The following GPC6 variants were observed in gnomAD, a reference collection of about 807,000 sequenced individuals.
GPC6 encodes glypican 6.
Under a neutral mutation model 55.2 loss-of-function variants are expected in GPC6, and 14 were observed. The ratio of observed to expected loss-of-function variants is 0.25; its 90% confidence interval spans 0.17 to 0.40. The LOEUF (loss-of-function observed/expected upper bound fraction) is 0.40, where lower values mean the gene tolerates loss of function less well. Ranked by LOEUF, GPC6 falls within the 10% of genes least tolerant of loss-of-function variation. GPC6 has a pLI of 1.00. For synonymous variants in GPC6, 278 were observed against 259.6 expected (o/e 1.07, Z -0.68); for missense variants, 641 against 708.5 (o/e 0.90, Z 1.08).
intron 3 of GPC6, among the ~76,000 whole-genome samples, chr13:94,025,851 A>T (rs1454310749): frequency 1.3e-5 from 2 of 152,148 alleles, no homozygotes; most frequent in Non-Finnish European, 2.9e-5. Flanking sequence ...ATTGTTGATC[A>T]TGTTGATTCT....
At chr13:94,041,801 C>T (rs186637167) in intron 4 of GPC6, among the ~76,000 whole-genome samples, 12 of 151,920 alleles carry the variant, frequency 7.9e-5, no homozygotes, top group Admixed American at 7.2e-4. Context: ...TCTTTATTCT[C>T]GATCTTCCTA....
At chr13:93,572,438 A>G (rs1002119108) in intron 2 of GPC6, among the ~76,000 whole-genome samples, 1 of 152,082 alleles carries the variant, frequency 6.6e-6, no homozygotes. Context: ...CATCCACATC[A>G]CAGGTAGCTT....
intron 1 of GPC6, among the ~76,000 whole-genome samples, chr13:93,454,781 C>A (rs1566366190): frequency 6.6e-6 from 1 of 152,254 alleles, no homozygotes; most frequent in Non-Finnish European, 1.5e-5. Context: ...CCGCGCCCTG[C>A]GCCTGCACTC....
chr13:94,133,324 A>G (rs1887070935), intron 4 of GPC6, among the ~76,000 whole-genome samples: 1 of 151,856 alleles, frequency 6.6e-6, no homozygotes, highest in African/African-American at 2.4e-5. Flanking sequence ...ATGGCTCTAA[A>G]TAAAATAAAA....
At chr13:94,275,308 A>T (rs1393191308) in intron 4 of GPC6, among the ~76,000 whole-genome samples, 2 of 152,184 alleles carry the variant, frequency 1.3e-5, no homozygotes, top group Non-Finnish European at 2.9e-5. Flanking sequence ...AAGAGTGACT[A>T]GGAGTTGTAG....
At chr13:94,086,031 C>CT (rs1300344395) in intron 4 of GPC6, among the ~76,000 whole-genome samples, 1 of 151,966 alleles carries the variant, frequency 6.6e-6, no homozygotes, top group Non-Finnish European at 1.5e-5. Flanking sequence ...GTTCTTTTCT[C>CT]TTTTTTTCTT....
intron 4 of GPC6, among the ~76,000 whole-genome samples, chr13:94,145,924 G>A (rs967059155): frequency 1.5e-4 from 23 of 152,246 alleles, no homozygotes; most frequent in African/African-American, 4.8e-4. Context: ...GGTGACAGGA[G>A]GATCAAATGG....
intron 1 of GPC6, among the ~76,000 whole-genome samples, chr13:93,434,927 G>C (rs368477014): frequency 1.3e-5 from 2 of 152,142 alleles, no homozygotes; most frequent in East Asian, 3.9e-4. Flanking sequence ...GGATGGTCTC[G>C]ATCTCTTAAC....
At chr13:93,419,247 C>G (rs2139256744) in intron 1 of GPC6, among the ~76,000 whole-genome samples, 1 of 151,682 alleles carries the variant, frequency 6.6e-6, no homozygotes, top group African/African-American at 2.4e-5. Flanking sequence ...CATATATTCT[C>G]TTTGTGATTA....
At chr13:94,140,574 G>A (rs1003444924) in intron 4 of GPC6, among the ~76,000 whole-genome samples, 1 of 152,190 alleles carries the variant, frequency 6.6e-6, no homozygotes, top group Non-Finnish European at 1.5e-5. Flanking sequence ...CTGTCTTACA[G>A]ATGAGGAAAC....
At chr13:93,556,133 C>T (rs16948971) in intron 2 of GPC6, among the ~76,000 whole-genome samples, 6,676 of 152,064 alleles carry the variant, frequency 0.044, 474 homozygotes, top group African/African-American at 0.15. Flanking sequence ...CCAAGATCAA[C>T]AACTCATTTT....
chr13:93,958,990 A>G (rs1263046653), intron 3 of GPC6, among the ~76,000 whole-genome samples: 1 of 152,134 alleles, frequency 6.6e-6, no homozygotes, highest in African/African-American at 2.4e-5. Context: ...CATTATTGGT[A>G]TATAGAAATG....
chr13:94,180,511 C>A (rs560600342), intron 4 of GPC6, among the ~76,000 whole-genome samples: 22 of 152,238 alleles, frequency 1.4e-4, no homozygotes, highest in South Asian at 6.2e-4. Flanking sequence ...AATGAAACCA[C>A]CATTTGGAGG....
At chr13:93,994,794 A>G (rs959684139) in intron 3 of GPC6, among the ~76,000 whole-genome samples, 4 of 152,212 alleles carry the variant, frequency 2.6e-5, no homozygotes, top group African/African-American at 7.2e-5. Context: ...AATATCCAGT[A>G]CGATTTTTAA....
At chr13:93,409,328 C>G (rs1020596536) in intron 1 of GPC6, among the ~76,000 whole-genome samples, 12 of 152,022 alleles carry the variant, frequency 7.9e-5, no homozygotes, top group African/African-American at 2.9e-4. Flanking sequence ...TAACTATAAA[C>G]AAGAGTTCTT....
Position 93,289,776 on chromosome 13 carries a change from A to G in GPC6, c.160+62160A>G, listed in dbSNP as rs148079844. On this transcript the variant is annotated intron_variant, in intron 1 of 8. Coordinates refer to ENST00000377047, the MANE Select transcript of GPC6 (RefSeq NM_005708.5). ...TTATATAAAAGGATTTGTTTATTGT[A>G]TACAGCTGTCATTGCTTTCAGGAGT... Among the ~76,000 whole-genome samples, 1,078 of 152,296 alleles carry G rather than the reference A, an allele frequency of 7.1e-3. 9 individuals are homozygous for G. The highest frequency in any genetic ancestry group is 0.023 in the African/African-American group (972 of 41,580).
chr13:94,247,482 A>T (rs994795438), intron 4 of GPC6, among the ~76,000 whole-genome samples: 1 of 152,048 alleles, frequency 6.6e-6, no homozygotes, highest in Non-Finnish European at 1.5e-5. Context: ...TTAGCCGTAG[A>T]TTTTGCATAA....
chr13:93,828,016 C>A (rs973471514), intron 2 of GPC6, among the ~76,000 whole-genome samples: 55 of 146,944 alleles, frequency 3.7e-4, no homozygotes, highest in African/African-American at 1.1e-3. Context: ...TTTTTTTTTT[C>A]TCTTTCTCTT....
At chr13:94,324,029 G>T (rs908130605) in intron 6 of GPC6, among the ~76,000 whole-genome samples, 1 of 152,198 alleles carries the variant, frequency 6.6e-6, no homozygotes, top group African/African-American at 2.4e-5. Flanking sequence ...TTCCGGCATT[G>T]TTGTCGAATA....
Sources: gnomAD v4.1 joint callset for allele counts (sites outside exome capture counted in the v4.1 genomes callset) on GRCh38, gnomAD v4.1.1 for gene constraint, MANE v1.5 for transcripts, NCBI Gene and HGNC (gene_info 2026-07-23, HGNC 2026-07-21) for gene names.